NRXN3: variants seen among roughly 807,000 people sequenced by gnomAD.
NRXN3 encodes the protein neurexin III.
In NRXN3, 32 loss-of-function variants were observed where a neutral mutation model predicts 137.6. The observed-to-expected ratio is 0.23, with a 90% CI of 0.18 to 0.31. The LOEUF is 0.31. Among genes scored for constraint, NRXN3 ranks in the 10% least tolerant of loss-of-function variants. The pLI, the probability that NRXN3 is intolerant of heterozygous loss-of-function variation, is 1.00. For missense variants in NRXN3, 1,574 were observed against 2,062.5 expected, an observed-to-expected ratio of 0.76 and a Z score of 4.59; for synonymous variants, 798 against 784.5, an observed-to-expected ratio of 1.02 and a Z score of -0.29.
chr14:79,122,290 A>G (rs28540273), intron 15 of NRXN3, among the ~76,000 whole-genome samples: 7,676 of 152,234 alleles, frequency 0.05, 564 homozygotes, highest in African/African-American at 0.16. Flanking sequence ...CATTTTGAGG[A>G]TATCCCTACA....
Position 79,853,702 on chromosome 14 carries a change from C to G in NRXN3, c.4094-7640C>G, listed in dbSNP as rs1324930105. On this transcript the variant is annotated intron_variant, in intron 20 of 20. Transcript: ENST00000335750. ...CTTCCCATTCTCCCCCTTTCTTTAGCATTGTTAAAATTTATGTGCTGTCAT... is the reference window on the plus strand; with the variant it reads ...CTTCCCATTCTCCCCCTTTCTTTAGGATTGTTAAAATTTATGTGCTGTCAT... 4 of 1,244,944 alleles carry G rather than the reference C, an allele frequency of 3.2e-6. No individual in the cohort carries two copies. The African/African-American group carries it at 6.2e-5, about 19-fold the overall frequency. 77.1% of individuals were successfully genotyped at this position (1,244,944 alleles called of 1,614,324 possible). A position where few individuals can be genotyped will look rare whatever the true frequency, so the allele number is the denominator to read the frequency against.
chr14:78,963,627 A>T (rs1169505950), intron 11 of NRXN3, among the ~76,000 whole-genome samples: 5 of 152,142 alleles, frequency 3.3e-5, no homozygotes, highest in Non-Finnish European at 7.4e-5. Flanking sequence ...TTTCCTAGTT[A>T]TTTGTTAGCA....
chr14:79,409,944 C>A (rs2095389936), intron 15 of NRXN3, among the ~76,000 whole-genome samples: 2 of 151,650 alleles, frequency 1.3e-5, no homozygotes, highest in Admixed American at 6.6e-5. Context: ...CGTCCCACTC[C>A]TTCTTGTTTT....
chr14:79,056,076 C>T (rs1163957571), intron 15 of NRXN3, among the ~76,000 whole-genome samples: 1 of 152,092 alleles, frequency 6.6e-6, no homozygotes, highest in Non-Finnish European at 1.5e-5. Flanking sequence ...GAGGTTCTTG[C>T]CATAATACAG....
At chr14:79,501,085 T>C (rs150494388) in intron 16 of NRXN3, among the ~76,000 whole-genome samples, 119 of 152,312 alleles carry the variant, frequency 7.8e-4, no homozygotes, top group African/African-American at 2.8e-3. Context: ...CCAACAGGCC[T>C]AGGGATCTGT....
intron 15 of NRXN3, among the ~76,000 whole-genome samples, chr14:79,410,431 T>A (rs2095400014): frequency 6.6e-6 from 1 of 152,072 alleles, no homozygotes; most frequent in African/African-American, 2.4e-5. Flanking sequence ...CTAATTAATT[T>A]ATTAATTTAT....
rs368373314 is a variant in NRXN3 at position 78,464,185 on chromosome 14, TG to T, written c.757+166328del. On this transcript the variant is annotated intron_variant, in intron 4 of 20. Transcript: ENST00000335750. ...CTCCAGCTTCAGCCTCCCGAGTAGCTGGGCCTACAGGCACCCGCCACCATGT... is the reference window on the plus strand; with the variant it reads ...CTCCAGCTTCAGCCTCCCGAGTAGCTGGCCTACAGGCACCCGCCACCATGT... 6.9e-4 allele frequency among the ~76,000 whole-genome samples: 105 copies of T among 152,140 alleles called. 1 individual carries two copies. In the East Asian group the frequency reaches 0.017, roughly 24 times the overall value.
intron 4 of NRXN3, among the ~76,000 whole-genome samples, chr14:78,479,162 A>T (rs984599925): frequency 2.0e-5 from 3 of 152,206 alleles, no homozygotes; most frequent in African/African-American, 4.8e-5. Flanking sequence ...TCACCTGGCG[A>T]ACTTTAAAAA....
intron 16 of NRXN3, among the ~76,000 whole-genome samples, chr14:79,590,374 C>T (rs917361616): frequency 2.3e-5 from 3 of 132,310 alleles, no homozygotes; most frequent in African/African-American, 9.1e-5. Context: ...GCCTCCCCAG[C>T]GATGTGGAAC....
At chr14:79,837,991 C>T (rs1004786128) in intron 20 of NRXN3, among the ~76,000 whole-genome samples, 1 of 152,152 alleles carries the variant, frequency 6.6e-6, no homozygotes, top group Non-Finnish European at 1.5e-5. Context: ...TGACCTGCCT[C>T]TATCAAAAAA....
At chr14:78,651,864 T>C (rs2097748091) in intron 6 of NRXN3, among the ~76,000 whole-genome samples, 2 of 152,182 alleles carry the variant, frequency 1.3e-5, no homozygotes, top group Non-Finnish European at 2.9e-5. Flanking sequence ...TTGTGGGAGC[T>C]ACAATTCAAG....
intron 16 of NRXN3, among the ~76,000 whole-genome samples, chr14:79,617,361 C>T (rs2098168593): frequency 1.4e-5 from 2 of 146,790 alleles, no homozygotes; most frequent in South Asian, 4.2e-4. Context: ...CATCAATACA[C>T]ACTTAGAAAT....
At chr14:79,687,114 C>T (rs187984549) in intron 17 of NRXN3, among the ~76,000 whole-genome samples, 1 of 152,282 alleles carries the variant, frequency 6.6e-6, no homozygotes, top group East Asian at 1.9e-4. Context: ...TTTCCTTCTG[C>T]CCCAAAGGTG....
At chr14:79,428,222 C>G (rs1422860244) in intron 15 of NRXN3, among the ~76,000 whole-genome samples, 1 of 152,118 alleles carries the variant, frequency 6.6e-6, no homozygotes, top group Non-Finnish European at 1.5e-5. Flanking sequence ...AACATTTTAT[C>G]AAGGTTTTTC....
intron 15 of NRXN3, among the ~76,000 whole-genome samples, chr14:79,096,407 GC>G (rs376873900): frequency 6.6e-6 from 1 of 152,052 alleles, no homozygotes; most frequent in East Asian, 1.9e-4. Flanking sequence ...ACCGTGCCCG[GC>G]TTCCGCCTCT....
At position 79,261,601 on chromosome 14, in the gene NRXN3, C is replaced by CTGTGTGTGTGTG. The variant is rs5809932; in HGVS notation, c.3263-205589_3263-205578dup. 1.3e-3 allele frequency among the ~76,000 whole-genome samples: 76 copies of CTGTGTGTGTGTG among 59,214 alleles called. 2 individuals are homozygous for CTGTGTGTGTGTG. The South Asian group carries it at 0.013, about 10-fold the overall frequency. 38.8% of individuals were successfully genotyped at this position (59,214 alleles called of 152,430 possible). ...TGAAATCCCACAGATAAGAAAGGTGCTGTGTGTGTGTGTGTGTGTGTGTGT... is the reference window on the plus strand; with the variant it reads ...TGAAATCCCACAGATAAGAAAGGTGCTGTGTGTGTGTGTGTGTGTGTGTGTGTGTGTGTGTGT... On this transcript the variant is annotated intron_variant, in intron 15 of 20. Coordinates refer to ENST00000335750, the MANE Select transcript of NRXN3 (RefSeq NM_001330195.2).
rs149946932 is a variant in NRXN3 at position 79,693,849 on chromosome 14, T to C, written c.3706+1587T>C. ...TCTTAAATATATGTATGATTATATA[T>C]GCATATAAATCTGAAAAGAATTATT... On this transcript the variant is annotated intron_variant, in intron 18 of 20. Coordinates refer to ENST00000335750, the MANE Select transcript of NRXN3 (RefSeq NM_001330195.2). Among the ~76,000 whole-genome samples the C allele has an allele frequency of 3.2e-3, 492 of 152,138 alleles. 6 individuals are homozygous for C. The highest frequency in any genetic ancestry group is 0.011 in the African/African-American group (467 of 41,548).
At chr14:79,579,880 T>C (rs1458509203) in intron 16 of NRXN3, among the ~76,000 whole-genome samples, 2 of 152,186 alleles carry the variant, frequency 1.3e-5, no homozygotes, top group African/African-American at 2.4e-5. Context: ...ACATTAGAAC[T>C]TAAACCTTCT....
At chr14:79,717,139 G>A (rs1483593836) in intron 19 of NRXN3, among the ~76,000 whole-genome samples, 2 of 152,186 alleles carry the variant, frequency 1.3e-5, no homozygotes, top group Admixed American at 1.3e-4. Context: ...TGCTAATGGG[G>A]TCTTTTCTTC....
Sources: allele counts gnomAD v4.1 joint callset (sites outside exome capture counted in the v4.1 genomes callset), GRCh38; gene constraint gnomAD v4.1.1; transcripts MANE v1.5; gene names NCBI Gene and HGNC (gene_info 2026-07-23, HGNC 2026-07-21).